Variants in FGF14 observed in about 807,000 individuals in gnomAD.
FGF14 encodes fibroblast growth factor 14.
A neutral mutation model predicts 25.5 loss-of-function variants in FGF14; 5 were observed. The ratio of observed to expected loss-of-function variants is 0.20; its 90% CI spans 0.10 to 0.41. The LOEUF is 0.41. Among genes scored for constraint, FGF14 ranks in the 10% least tolerant of loss-of-function variants. The probability of loss-of-function intolerance (pLI) is 1.00; values close to 1 mark genes in which losing one functional copy is unlikely to be tolerated. For missense variants in FGF14, 222 were observed against 320.1 expected (o/e 0.69, Z 2.34); for synonymous variants, 138 against 118.3 (o/e 1.17, Z -1.08).
At chr13:101,838,368 G>A in intron 3 of FGF14, among the ~76,000 whole-genome samples, 1 of 151,966 alleles carries the variant, frequency 6.6e-6, no homozygotes, top group East Asian at 1.9e-4. Flanking sequence ...GGGCTCCCCT[G>A]TGATTCCCAG....
At chr13:101,902,515 T>C (rs1156553225) in intron 1 of FGF14, among the ~76,000 whole-genome samples, 1 of 152,214 alleles carries the variant, frequency 6.6e-6, no homozygotes, top group Admixed American at 6.5e-5. Flanking sequence ...TGAAACAAGA[T>C]GCTTGCAGCC....
chr13:101,755,765 A>G (rs965603850), intron 3 of FGF14, among the ~76,000 whole-genome samples: 1 of 152,102 alleles, frequency 6.6e-6, no homozygotes, highest in Admixed American at 6.6e-5. Context: ...ATTGAATTGC[A>G]TTTTTTCTCT....
chr13:102,115,247 T>C (rs941377151), intron 1 of FGF14, among the ~76,000 whole-genome samples: 2 of 152,120 alleles, frequency 1.3e-5, no homozygotes, highest in African/African-American at 4.8e-5. Flanking sequence ...AGCACAGCTG[T>C]CCCCATGGTT....
At chr13:101,873,071 T>C (rs181451540) in intron 2 of FGF14, among the ~76,000 whole-genome samples, 147 of 152,106 alleles carry the variant, frequency 9.7e-4, no homozygotes, top group African/African-American at 3.2e-3. Context: ...AGGTGGAGTG[T>C]TTTTTAGTAT....
intron 1 of FGF14, among the ~76,000 whole-genome samples, chr13:102,087,171 T>C (rs1271315812): frequency 6.6e-6 from 1 of 152,172 alleles, no homozygotes; most frequent in African/African-American, 2.4e-5. Flanking sequence ...TTGATGGGAC[T>C]GGGGTTAGGA....
At chr13:101,890,456 C>T (rs1180213245) in intron 1 of FGF14, among the ~76,000 whole-genome samples, 1 of 152,160 alleles carries the variant, frequency 6.6e-6, no homozygotes, top group Non-Finnish European at 1.5e-5. Flanking sequence ...ATTTGGGGAC[C>T]TCTGTTCCTC....
At chr13:102,194,373 C>T (rs1296291366) in intron 1 of FGF14, among the ~76,000 whole-genome samples, 2 of 152,042 alleles carry the variant, frequency 1.3e-5, no homozygotes, top group South Asian at 2.1e-4. Flanking sequence ...CATATCAACC[C>T]GTCACCTAGG....
At chr13:102,200,621 T>TG (rs899597181) in intron 1 of FGF14, among the ~76,000 whole-genome samples, 9 of 16,868 alleles carry the variant, frequency 5.3e-4, no homozygotes, top group African/African-American at 1.4e-3. Context: ...ATTTGATTGT[T>TG]TTTTTTTTTT....
At chr13:102,217,416 A>G (rs1264606859) in intron 1 of FGF14, among the ~76,000 whole-genome samples, 1 of 152,240 alleles carries the variant, frequency 6.6e-6, no homozygotes, top group African/African-American at 2.4e-5. Context: ...AGTAGTCAAG[A>G]ATTTAACAGA....
At chr13:101,790,199 A>G (rs1245712363) in intron 3 of FGF14, among the ~76,000 whole-genome samples, 5 of 151,646 alleles carry the variant, frequency 3.3e-5, no homozygotes, top group Non-Finnish European at 7.4e-5. Context: ...TAAAATAGTA[A>G]CTTCTTTTTA....
chr13:101,969,397 A>G (rs1388837187), intron 1 of FGF14, among the ~76,000 whole-genome samples: 3 of 152,010 alleles, frequency 2.0e-5, no homozygotes, highest in Non-Finnish European at 4.4e-5. Flanking sequence ...CCCCGTCTCT[A>G]CTAAAAATAA....
chr13:101,960,348 C>T (rs1467080216), intron 1 of FGF14, among the ~76,000 whole-genome samples: 1 of 152,140 alleles, frequency 6.6e-6, no homozygotes, highest in Non-Finnish European at 1.5e-5. Context: ...CTGATGCTCT[C>T]CCTCCCCCAG....
chr13:101,796,382 G>A (rs2040521639), intron 3 of FGF14, among the ~76,000 whole-genome samples: 1 of 151,890 alleles, frequency 6.6e-6, no homozygotes, highest in Non-Finnish European at 1.5e-5. Flanking sequence ...ACTGTTCTGT[G>A]TCTACTCTGC....
chr13:102,293,629 T>C (rs966073350), intron 1 of FGF14: 3 of 152,026 alleles, frequency 2.0e-5, no homozygotes, highest in African/African-American at 4.8e-5. Flanking sequence ...AAGGGGAAAA[T>C]AGGCCTCTGA....
intron 1 of FGF14, among the ~76,000 whole-genome samples, chr13:101,952,237 G>A (rs990090229): frequency 6.6e-6 from 1 of 152,082 alleles, no homozygotes; most frequent in Non-Finnish European, 1.5e-5. Context: ...TCTTGGAAAG[G>A]ATTCCAAGTC....
chr13:102,158,856 C>T (rs975269950), intron 1 of FGF14, among the ~76,000 whole-genome samples: 2 of 151,886 alleles, frequency 1.3e-5, no homozygotes, highest in African/African-American at 4.8e-5. Flanking sequence ...TAACAACATT[C>T]GGCCAGGTGC....
chr13:101,735,549 G>A (rs1035081749), intron 3 of FGF14, among the ~76,000 whole-genome samples: 3 of 151,850 alleles, frequency 2.0e-5, no homozygotes, highest in African/African-American at 7.3e-5. Flanking sequence ...TACTCAAAAT[G>A]AATCTTTCCT....
Position 102,174,321 on chromosome 13 carries a change from C to CTT in FGF14, c.208+227148_208+227149dup, listed in dbSNP as rs35818329. 3.5e-3 allele frequency among the ~76,000 whole-genome samples: 519 copies of CTT among 146,956 alleles called. 2 individuals carry two copies. The highest frequency in any genetic ancestry group is 0.011 in the African/African-American group (456 of 40,234). On this transcript the variant is annotated intron_variant, in intron 1 of 4. Coordinates refer to the FGF14 transcript ENST00000376131. ...AGCTAGTTTTTTCTTTTCTTTCTTT[C>CTT]TTTTTTTTTTTATTTTTGTATTTTT...
chr13:101,753,642 T>C (rs2037449591), intron 3 of FGF14, among the ~76,000 whole-genome samples: 1 of 151,912 alleles, frequency 6.6e-6, no homozygotes, highest in Non-Finnish European at 1.5e-5. Context: ...CCGTCTCTAC[T>C]AAAAATAAAA....
Sources: gnomAD v4.1 joint callset for allele counts (sites outside exome capture counted in the v4.1 genomes callset) on GRCh38, gnomAD v4.1.1 for gene constraint, MANE v1.5 for transcripts, NCBI Gene and HGNC (gene_info 2026-07-23, HGNC 2026-07-21) for gene names.